ZBTB40: variants seen among roughly 807,000 people sequenced by gnomAD.
The protein encoded by ZBTB40 is zinc finger and BTB domain containing 40, also known as zinc finger and BTB domain-containing protein 40.
In ZBTB40, 60 loss-of-function variants were observed where a neutral mutation model predicts 117.5. The observed-to-expected ratio is 0.51, with a 90% CI of 0.41 to 0.63. ZBTB40 has a LOEUF of 0.63. Among genes scored for constraint, ZBTB40 ranks in the 30% least tolerant of loss-of-function variants. The pLI is 0.00. For missense variants in ZBTB40, 1,287 were observed against 1,498.5 expected, an observed-to-expected ratio of 0.86 and a Z score of 2.33; for synonymous variants, 525 against 577.1, an observed-to-expected ratio of 0.91 and a Z score of 1.29.
At chr1:22,438,054 C>G (rs796651552) in intron 1 of ZBTB40, among the ~76,000 whole-genome samples, 27 of 152,148 alleles carry the variant, frequency 1.8e-4, no homozygotes, top group African/African-American at 6.5e-4. Flanking sequence ...CGCTTGAACC[C>G]AGGAGGCGGA....
chr1:22,502,372 A>T lies in ZBTB40; in HGVS notation c.1098A>T (p.Thr366=), dbSNP rs775423105. 11 of 1,614,012 alleles carry T rather than the reference A, an allele frequency of 6.8e-6. No homozygotes were observed. The highest frequency in any genetic ancestry group is 9.3e-6 in the Non-Finnish European group (11 of 1,179,988). Residue 366 remains threonine (T), a synonymous_variant, in exon 5 of 18, where the codon ACA becomes ACT. Transcript: ENST00000375647. The stretch of plus-strand genomic sequence containing the variant: ...AAGAGGACCTGATACAGTGTGTAAC[A>T]CAGCTGAGACCTATTATGGAGTCCC... ...EHKEDLIQCV[T]QLRPIMESLE...
intron 16 of ZBTB40, 29 bp from the exon 17 acceptor site, chr1:22,524,189 C>G (rs1639613557): frequency 6.2e-7 from 1 of 1,606,612 alleles, no homozygotes; most frequent in African/African-American, 1.3e-5. Flanking sequence ...TTACCCACAG[C>G]CCTCCCCTTC....
At chr1:22,441,608 A>C (rs1569742437) in intron 1 of ZBTB40, among the ~76,000 whole-genome samples, 1 of 149,806 alleles carries the variant, frequency 6.7e-6, no homozygotes, top group South Asian at 2.1e-4. Flanking sequence ...TCAGCCTCCC[A>C]AGTAGCTGAG....
At chr1:22,481,383 A>G (rs1638309026) in intron 1 of ZBTB40, among the ~76,000 whole-genome samples, 1 of 151,950 alleles carries the variant, frequency 6.6e-6, no homozygotes, top group Admixed American at 6.6e-5. Context: ...AACGGTTCCC[A>G]TTTTCCTTTC....
chr1:22,509,007 A>T (rs964687960), intron 8 of ZBTB40, 93 bp from the exon 9 acceptor site: 3 of 1,602,544 alleles, frequency 1.9e-6, no homozygotes, highest in Non-Finnish European at 2.6e-6. Flanking sequence ...GGGGAAATGC[A>T]TTTTCATTAT....
chr1:22,490,910 T>C (rs189391737), intron 2 of ZBTB40, among the ~76,000 whole-genome samples: 10 of 152,366 alleles, frequency 6.6e-5, no homozygotes, highest in Non-Finnish European at 1.5e-4. Flanking sequence ...TTTTGTTTTC[T>C]CTCGAGACGG....
intron 11 of ZBTB40, 73 bp from the exon 12 acceptor site, chr1:22,512,851 G>C: frequency 6.5e-7 from 1 of 1,545,578 alleles, no homozygotes; most frequent in Non-Finnish European, 8.9e-7. Flanking sequence ...CAGTGCTCTT[G>C]GTATCCTGTG....
intron 3 of ZBTB40, among the ~76,000 whole-genome samples, chr1:22,498,530 G>T (rs183180904): frequency 7.7e-4 from 118 of 152,294 alleles, no homozygotes; most frequent in African/African-American, 2.7e-3. Flanking sequence ...GCCCTCTCCT[G>T]GCCCTTTCAT....
In ZBTB40 at chr1:22,491,443, T is replaced by C; in HGVS notation, c.741T>C (p.Asn247=). 6.2e-7 allele frequency: 1 copy of C among 1,614,042 alleles called. No homozygotes were observed. The highest frequency in any genetic ancestry group is 8.5e-7 in the Non-Finnish European group (1 of 1,179,936). The part of the protein sequence containing the change: ...KHYQLNFLLE[N]EGVFSDALMV... ...ACCAGCTGAATTTTCTTCTAGAAAA[T>C]GAAGGTGTCTTCTCAGATGCACTCA... Residue 247 remains asparagine (N), a synonymous_variant, in exon 3 of 18, where the codon AAT becomes AAC. Coordinates refer to ENST00000375647, the MANE Select transcript of ZBTB40 (RefSeq NM_014870.4).
chr1:22,488,349 G>A (rs545521999), intron 1 of ZBTB40, among the ~76,000 whole-genome samples: 1 of 152,272 alleles, frequency 6.6e-6, no homozygotes, highest in East Asian at 1.9e-4. Context: ...GGCGATAAGT[G>A]CTATGCTGAA....
rs1247270789 is a variant in ZBTB40 at position 22,527,622 on chromosome 1, A to T, written c.*1226A>T. 1.3e-5 allele frequency: 2 copies of T among 152,438 alleles called. No homozygotes were observed. The highest frequency in any genetic ancestry group is 2.4e-5 in the African/African-American group (1 of 41,472). The allele number at this position is 152,438 out of a possible 1,614,324, so 9.4% of individuals were successfully genotyped here. On this transcript the variant is annotated 3_prime_UTR_variant, in exon 18 of 18. Transcript: ENST00000375647. ...CTGGTGCGGTGTTTACACACCAGGC[A>T]GGGCTGTCTGCCACCTTGTGTGGCT... is the stretch of plus-strand genomic sequence containing the variant.
At chr1:22,475,454 G>A (rs1417550746) in intron 1 of ZBTB40, among the ~76,000 whole-genome samples, 3 of 152,174 alleles carry the variant, frequency 2.0e-5, no homozygotes, top group Non-Finnish European at 4.4e-5. Context: ...AGCCAGGTGC[G>A]GTGCCAGTTG....
At chr1:22,431,061 T>A (rs1640573491) in intron 1 of ZBTB40, among the ~76,000 whole-genome samples, 2 of 151,840 alleles carry the variant, frequency 1.3e-5, no homozygotes, top group South Asian at 4.1e-4. Flanking sequence ...ATGTTCTGTA[T>A]CCTTGCTTTT....
intron 10 of ZBTB40, 34 bp from the exon 11 acceptor site, chr1:22,511,642 G>A (rs1639238005): frequency 6.2e-7 from 1 of 1,605,732 alleles, no homozygotes; most frequent in African/African-American, 1.3e-5. Context: ...GAAACAGAGA[G>A]TTCGCAGAGC....
intron 1 of ZBTB40, among the ~76,000 whole-genome samples, chr1:22,475,452 G>A (rs1222351166): frequency 1.3e-5 from 2 of 152,184 alleles, no homozygotes; most frequent in African/African-American, 4.8e-5. Context: ...AAAGCCAGGT[G>A]CGGTGCCAGT....
At chr1:22,452,111 C>T (rs1640889166) in intron 1 of ZBTB40, 107 bp downstream of exon 1, 1 of 152,430 alleles carries the variant, frequency 6.6e-6, no homozygotes, top group African/African-American at 2.4e-5. Context: ...GCGTGGCGAA[C>T]TCCGCGGGAC....
chr1:22,482,906 G>T (rs1182600202), intron 1 of ZBTB40, among the ~76,000 whole-genome samples: 1 of 151,944 alleles, frequency 6.6e-6, no homozygotes, highest in Non-Finnish European at 1.5e-5. Context: ...GTGAAACCCG[G>T]TCTCTACTAA....
At chr1:22,508,263 T>A in intron 7 of ZBTB40, 126 bp downstream of exon 7, 2 of 1,199,434 alleles carry the variant, frequency 1.7e-6, no homozygotes, top group Admixed American at 4.1e-5. Flanking sequence ...AATTGCTAAG[T>A]AGAGGAGAAA....
At position 22,508,039 on chromosome 1, in the gene ZBTB40, A is replaced by G. The variant is rs547953292; in HGVS notation, c.1399A>G (p.Arg467Gly). The part of the protein sequence containing the change: ...SPDDYGTELL[R>G]RYHENLSEIF... ...TGATGATTATGGGACTGAGCTATTG[A>G]GACGCTATCATGAAAACCTCTCTGA... The change falls in exon 7 of 18, where the codon AGA becomes GGA. Residue 467 changes from arginine to glycine, a missense_variant. Transcript: ENST00000375647. 1 of 1,614,220 alleles carries G rather than the reference A, an allele frequency of 6.2e-7. No individual in the cohort carries two copies. The highest frequency in any genetic ancestry group is 1.1e-5 in the South Asian group (1 of 91,084).
Sources: allele counts gnomAD v4.1 joint callset (sites outside exome capture counted in the v4.1 genomes callset), GRCh38; gene constraint gnomAD v4.1.1; transcripts MANE v1.5; gene names NCBI Gene and HGNC (gene_info 2026-07-23, HGNC 2026-07-21).